IQSEC1: variants seen among roughly 807,000 people sequenced by gnomAD.
The protein encoded by IQSEC1 is IQ motif and Sec7 domain ArfGEF 1, also known as IQ motif and SEC7 domain-containing protein 1.
A neutral mutation model predicts 91.0 loss-of-function variants in IQSEC1; 31 were observed. The observed-to-expected ratio is 0.34, with a 90% CI of 0.26 to 0.46. The LOEUF (loss-of-function observed/expected upper bound fraction) is 0.46. IQSEC1 is among the 20% of genes least tolerant of loss of function. The pLI, the probability that IQSEC1 is intolerant of heterozygous loss-of-function variation, is 1.00. For missense variants in IQSEC1, 1,388 were observed against 1,575.6 expected (o/e 0.88, Z 2.02); for synonymous variants, 699 against 662.6 (o/e 1.05, Z -0.84).
At chr3:13,083,932 C>T (rs542409409) in intron 2 of IQSEC1, among the ~76,000 whole-genome samples, 82 of 152,336 alleles carry the variant, frequency 5.4e-4, no homozygotes, top group African/African-American at 1.8e-3. Flanking sequence ...GAGGAGTACG[C>T]GGTTTTCCAG....
At chr3:12,999,319 C>T (rs1477644179) in intron 1 of IQSEC1, among the ~76,000 whole-genome samples, 1 of 152,212 alleles carries the variant, frequency 6.6e-6, no homozygotes, top group Non-Finnish European at 1.5e-5. Flanking sequence ...TAGGGACTCC[C>T]TGTCCTTGGG....
At chr3:13,022,524 G>A in intron 1 of IQSEC1, 1 of 940,738 alleles carries the variant, frequency 1.1e-6, no homozygotes, top group African/African-American at 1.8e-5. Context: ...AAGCTCAGCT[G>A]CCGGAGCCCA....
chr3:13,129,655 A>AT (rs35069619), intron 2 of IQSEC1, among the ~76,000 whole-genome samples: 5,541 of 118,224 alleles, frequency 0.047, 240 homozygotes, highest in East Asian at 0.057. Flanking sequence ...CATCTTATGA[A>AT]TTTTTTTTTT....
At chr3:12,956,789 C>T (rs552228060) in intron 1 of IQSEC1, among the ~76,000 whole-genome samples, 2 of 152,328 alleles carry the variant, frequency 1.3e-5, no homozygotes, top group Admixed American at 6.5e-5. Context: ...GACCAGGTCT[C>T]TCTACAGCTC....
chr3:13,094,206 T>G (rs1173898652), intron 2 of IQSEC1, among the ~76,000 whole-genome samples: 2 of 152,096 alleles, frequency 1.3e-5, no homozygotes, highest in African/African-American at 4.8e-5. Flanking sequence ...GCCGGTGCTG[T>G]GGGAGTTCTA....
At chr3:13,072,896 T>A (rs1345192894) in intron 1 of IQSEC1, 96 bp downstream of exon 1, 41 of 1,124,098 alleles carry the variant, frequency 3.6e-5, no homozygotes, top group Non-Finnish European at 5.4e-5. Flanking sequence ...CACATCCACC[T>A]GCCCCTCCCC....
At chr3:12,917,476 T>C (rs956325775) in intron 6 of IQSEC1, among the ~76,000 whole-genome samples, 3 of 152,224 alleles carry the variant, frequency 2.0e-5, no homozygotes, top group African/African-American at 7.2e-5. Flanking sequence ...CAGAATGTCA[T>C]AGAGTTGGAA....
chr3:13,233,537 C>T (rs920636542), intron 1 of IQSEC1, among the ~76,000 whole-genome samples: 1 of 152,200 alleles, frequency 6.6e-6, no homozygotes, highest in Non-Finnish European at 1.5e-5. Context: ...TGTGGACAGA[C>T]CACATTATGT....
At chr3:13,071,405 T>G (rs1403745234) in intron 1 of IQSEC1, among the ~76,000 whole-genome samples, 5 of 152,024 alleles carry the variant, frequency 3.3e-5, no homozygotes, top group African/African-American at 1.2e-4. Flanking sequence ...TCACATTTCA[T>G]CCTCATGACA....
intron 1 of IQSEC1, among the ~76,000 whole-genome samples, chr3:13,059,351 C>A (rs1704988040): frequency 6.6e-6 from 1 of 152,234 alleles, no homozygotes; most frequent in East Asian, 1.9e-4. Flanking sequence ...TCTCTGTGGG[C>A]ACCCTGGGCA....
chr3:13,122,854 C>T (rs1706447884), intron 2 of IQSEC1, among the ~76,000 whole-genome samples: 1 of 152,158 alleles, frequency 6.6e-6, no homozygotes, highest in Admixed American at 6.5e-5. Context: ...AGGCAGCGTC[C>T]CTGTACCCTG....
rs1165887948 is a variant in IQSEC1, at chr3:12,900,770, G to A, written c.*213C>T. 37 of 1,439,320 alleles carry A rather than the reference G, an allele frequency of 2.6e-5. No homozygotes were observed. The highest frequency in any genetic ancestry group is 3.0e-5 in the Non-Finnish European group (33 of 1,101,404). The allele number at this position is 1,439,320 out of a possible 1,614,324, so 89.2% of individuals were successfully genotyped here. A position where few individuals can be genotyped will look rare whatever the true frequency, so the allele number is the denominator to read the frequency against. On this transcript the variant is annotated 3_prime_UTR_variant, in exon 14 of 14. Coordinates refer to ENST00000613206, the MANE Select transcript of IQSEC1 (RefSeq NM_001134382.3). Reference sequence around the variant, plus strand: ...CCCATCCCTCAGACTGAGGTGAGCAGAGCCCAGGGTGCCAACAAGAAATGA... The same window carrying A: ...CCCATCCCTCAGACTGAGGTGAGCAAAGCCCAGGGTGCCAACAAGAAATGA...
intron 1 of IQSEC1, among the ~76,000 whole-genome samples, chr3:12,954,022 G>A (rs1334024349): frequency 6.6e-6 from 1 of 152,232 alleles, no homozygotes; most frequent in Non-Finnish European, 1.5e-5. Context: ...GCGTAGTCGG[G>A]TGGGGGACAG....
At chr3:13,110,175 C>A (rs569786187) in intron 2 of IQSEC1, among the ~76,000 whole-genome samples, 45 of 152,070 alleles carry the variant, frequency 3.0e-4, no homozygotes, top group Non-Finnish European at 4.0e-4. Context: ...AGCCACGGTA[C>A]CCGGCTGGAT....
Position 13,001,873 on chromosome 3 carries a change from A to G in IQSEC1, c.24-60008T>C, listed in dbSNP as rs540286583. Among the ~76,000 whole-genome samples the G allele has an allele frequency of 2.6e-5, 4 of 152,306 alleles. No homozygotes were observed. The South Asian group carries it at 8.3e-4, about 32-fold the overall frequency. On this transcript the variant is annotated intron_variant, in intron 1 of 13. Transcript: ENST00000613206. ...CAGGAGTTCCAGACCAGTCTGGCCA[A>G]CAAGGTGAAAACCCATCTCTACTAA...
intron 1 of IQSEC1, among the ~76,000 whole-genome samples, chr3:12,981,850 G>C (rs1358271791): frequency 6.6e-6 from 1 of 152,200 alleles, no homozygotes; most frequent in African/African-American, 2.4e-5. Flanking sequence ...GGTGAGACCA[G>C]CCCGCATCCT....
chr3:12,954,139 C>T (rs1200289614), intron 1 of IQSEC1, among the ~76,000 whole-genome samples: 1 of 152,206 alleles, frequency 6.6e-6, no homozygotes. Context: ...GCTCCAGCCT[C>T]CCCAGCCCAG....
chr3:13,066,383 AG>A (rs1312303651), intron 1 of IQSEC1, among the ~76,000 whole-genome samples: 32 of 152,246 alleles, frequency 2.1e-4, no homozygotes, highest in Admixed American at 4.6e-4. Flanking sequence ...GTGACAACAG[AG>A]GGGCCGGCAC....
chr3:12,985,951 C>T (rs1167982722), intron 1 of IQSEC1, among the ~76,000 whole-genome samples: 4 of 152,194 alleles, frequency 2.6e-5, no homozygotes, highest in African/African-American at 4.8e-5. Context: ...GAAGGGACCC[C>T]AGATACTGAC....
Sources: gnomAD v4.1 joint callset for allele counts (sites outside exome capture counted in the v4.1 genomes callset) on GRCh38, gnomAD v4.1.1 for gene constraint, MANE v1.5 for transcripts, NCBI Gene and HGNC (gene_info 2026-07-23, HGNC 2026-07-21) for gene names.